The following CHODL variants were observed in gnomAD, a reference collection of about 807,000 sequenced individuals.
CHODL encodes chondrolectin.
Under a neutral mutation model 34.5 loss-of-function variants are expected in CHODL, and 29 were observed. The observed-to-expected ratio is 0.84, with a 90% CI of 0.63 to 1.15. CHODL has a LOEUF of 1.15. CHODL is among the 50% of genes most tolerant of loss of function. The probability of loss-of-function intolerance (pLI) is 0.00; values close to 1 mark genes in which losing one functional copy is unlikely to be tolerated. For missense variants in CHODL, 332 were observed against 332.5 expected, an observed-to-expected ratio of 1.00 and a Z score of 0.01; for synonymous variants, 125 against 116.1, an observed-to-expected ratio of 1.08 and a Z score of -0.49.
chr21:18,062,691 A>G (rs1374206410), intron 2 of CHODL, among the ~76,000 whole-genome samples: 1 of 152,064 alleles, frequency 6.6e-6, no homozygotes, highest in Non-Finnish European at 1.5e-5. Context: ...GCTTGAACCC[A>G]GGAGACGGAG....
intron 1 of CHODL, among the ~76,000 whole-genome samples, chr21:18,009,317 AT>A (rs1283552853): frequency 6.6e-6 from 1 of 152,160 alleles, no homozygotes; most frequent in Non-Finnish European, 1.5e-5. Context: ...CTCAACACAT[AT>A]TTTTTCATTT....
In CHODL at chr21:18,225,905, T is replaced by C. The variant is rs533752022; in HGVS notation, c.-44-30604T>C. Among the ~76,000 whole-genome samples, 40 of 152,184 alleles carry C rather than the reference T, an allele frequency of 2.6e-4. No homozygotes were observed. The South Asian group carries it at 8.1e-3, about 31-fold the overall frequency. ...AAAACATACAAGTCTATAATAAACC[T>C]CTTAAAATATGAATTCTCTAGGTCT... On this transcript the variant is annotated intron_variant, in intron 2 of 6. Coordinates refer to the CHODL transcript ENST00000400127.
At chr21:18,056,007 C>T (rs2064575470) in intron 2 of CHODL, among the ~76,000 whole-genome samples, 1 of 151,962 alleles carries the variant, frequency 6.6e-6, no homozygotes, top group Non-Finnish European at 1.5e-5. Flanking sequence ...ATCTTAGGAC[C>T]TTCCTTCCCA....
chr21:18,255,678 T>G (rs77097933), intron 1 of CHODL, among the ~76,000 whole-genome samples: 1,647 of 152,194 alleles, frequency 0.011, 40 homozygotes, highest in African/African-American at 0.036. Flanking sequence ...TAAGCCATCA[T>G]TTTTTTCACA....
intron 2 of CHODL, among the ~76,000 whole-genome samples, chr21:18,235,849 A>G (rs2074023743): frequency 6.6e-6 from 1 of 152,168 alleles, no homozygotes; most frequent in South Asian, 2.1e-4. Flanking sequence ...TAATTCTTAT[A>G]AATCCAGGGA....
At chr21:18,255,727 C>A (rs148817336) in intron 1 of CHODL, among the ~76,000 whole-genome samples, 2 of 152,022 alleles carry the variant, frequency 1.3e-5, no homozygotes, top group African/African-American at 4.8e-5. Flanking sequence ...GTACTTAATT[C>A]TTTAAGTTCA....
At chr21:18,118,915 T>TCCTTCCATCTC (rs776838362) in intron 2 of CHODL, among the ~76,000 whole-genome samples, 1 of 152,194 alleles carries the variant, frequency 6.6e-6, no homozygotes, top group Non-Finnish European at 1.5e-5. Context: ...ACTTCTGTCT[T>TCCTTCCATCTC]CCTTCCATCT....
At chr21:18,106,300 TACCCTTG>T (rs1480067553) in intron 2 of CHODL, among the ~76,000 whole-genome samples, 1 of 152,054 alleles carries the variant, frequency 6.6e-6, no homozygotes, top group East Asian at 1.9e-4. Flanking sequence ...AAACAGACAG[TACCCTTG>T]AGGATGGAAC....
In CHODL at chr21:18,266,371, T is replaced by C; in HGVS notation, c.*333T>C. The C allele has an allele frequency of 7.8e-6, 4 of 514,514 alleles. No homozygotes were observed. Among genetic ancestry groups the C allele is most frequent in the Non-Finnish European group, 1.0e-5 (3 of 299,932 alleles). 31.9% of individuals were successfully genotyped at this position (514,514 alleles called of 1,614,324 possible). On this transcript the variant is annotated 3_prime_UTR_variant, in exon 6 of 6. Transcript: ENST00000299295. The stretch of plus-strand genomic sequence containing the variant: ...AGCAATTCCTTTTATTTCTTTCACC[T>C]TTCATAAGTTGTTATCTAGTCAATG...
chr21:18,096,325 C>A (rs182225243), intron 2 of CHODL, among the ~76,000 whole-genome samples: 1 of 152,230 alleles, frequency 6.6e-6, no homozygotes, highest in Admixed American at 6.5e-5. Flanking sequence ...TAAAAAAGAA[C>A]AGGATAATAC....
At chr21:18,161,981 A>T (rs1207808483) in intron 2 of CHODL, among the ~76,000 whole-genome samples, 1 of 152,182 alleles carries the variant, frequency 6.6e-6, no homozygotes. Flanking sequence ...TGACATACAC[A>T]TGTTATTACC....
chr21:18,108,871 GTTTC>G (rs914118389), intron 2 of CHODL, among the ~76,000 whole-genome samples: 91 of 145,932 alleles, frequency 6.2e-4, no homozygotes, highest in Admixed American at 1.4e-3. Flanking sequence ...GTGTGTGTGT[GTTTC>G]TTCTAACTTT....
At chr21:17,970,184 G>A (rs1325434363) in intron 1 of CHODL, among the ~76,000 whole-genome samples, 1 of 152,218 alleles carries the variant, frequency 6.6e-6, no homozygotes, top group Non-Finnish European at 1.5e-5. Flanking sequence ...AGAATATAGT[G>A]TGTGTGTTTG....
intron 1 of CHODL, among the ~76,000 whole-genome samples, chr21:18,010,684 A>G (rs1600891769): frequency 6.6e-6 from 1 of 152,210 alleles, no homozygotes; most frequent in East Asian, 1.9e-4. Context: ...CTAGAAAAAA[A>G]ATGTGGCATT....
At chr21:17,989,535 G>C (rs1188259506) in intron 1 of CHODL, among the ~76,000 whole-genome samples, 1 of 152,122 alleles carries the variant, frequency 6.6e-6, no homozygotes, top group Non-Finnish European at 1.5e-5. Flanking sequence ...AATGTGATTT[G>C]ACTGGCTGTC....
Position 18,095,597 on chromosome 21 carries a change from T to C in CHODL, c.-45+67626T>C, listed in dbSNP as rs370534257. ...ACATTTAAAGAAAAGCTAATACCAGTCCTACTCAAACATTCTGAAAAATAG... is the reference window on the plus strand; with the variant it reads ...ACATTTAAAGAAAAGCTAATACCAGCCCTACTCAAACATTCTGAAAAATAG... On this transcript the variant is annotated intron_variant, in intron 2 of 6. Coordinates refer to the CHODL transcript ENST00000400127. Among the ~76,000 whole-genome samples, 10 of 152,252 alleles carry C rather than the reference T, an allele frequency of 6.6e-5. No individual in the cohort carries two copies. In the East Asian group the frequency reaches 1.5e-3, roughly 24 times the overall value.
At chr21:17,942,655 C>A (rs148709457) in intron 1 of CHODL, among the ~76,000 whole-genome samples, 1 of 152,082 alleles carries the variant, frequency 6.6e-6, no homozygotes, top group Non-Finnish European at 1.5e-5. Context: ...AAAGATACCA[C>A]AAAAATTTAA....
rs758248997 is a variant in CHODL at position 18,265,945 on chromosome 21, G to A, written c.738-9G>A. ...TTAGGCACTAAACATTTTTTCTTAT[G>A]TTTTTCAGTAAAGGAAGAACAAAAA... is the stretch of plus-strand genomic sequence containing the variant. On this transcript the variant is annotated splice_polypyrimidine_tract_variant and intron_variant, in intron 5 of 5. Coordinates refer to ENST00000299295, the MANE Select transcript of CHODL (RefSeq NM_024944.3). The A allele has an allele frequency of 6.2e-7, 1 of 1,604,458 alleles. No individual in the cohort carries two copies. Among genetic ancestry groups the A allele is most frequent in the Non-Finnish European group, 8.5e-7 (1 of 1,176,882 alleles).
At chr21:18,031,959 A>T (rs185734) in intron 2 of CHODL, among the ~76,000 whole-genome samples, 19,560 of 152,072 alleles carry the variant, frequency 0.13, 1,418 homozygotes, top group Middle Eastern at 0.21. Flanking sequence ...CATTTATATG[A>T]TTTTTTGGCA....
Sources: allele counts gnomAD v4.1 joint callset (sites outside exome capture counted in the v4.1 genomes callset), GRCh38; gene constraint gnomAD v4.1.1; transcripts MANE v1.5; gene names NCBI Gene and HGNC (gene_info 2026-07-23, HGNC 2026-07-21).